ACTN1: variants seen among roughly 807,000 people sequenced by gnomAD.
The protein encoded by ACTN1 is actinin alpha 1.
ACTN1 carries 30 observed loss-of-function variants against 119.6 expected under a neutral mutation model. The ratio of observed to expected loss-of-function variants is 0.25; its 90% CI spans 0.19 to 0.34. The LOEUF (loss-of-function observed/expected upper bound fraction) is 0.34, where lower values mean the gene tolerates loss of function less well. ACTN1 is among the 10% of genes least tolerant of loss of function. The pLI is 1.00. For synonymous variants in ACTN1, 429 were observed against 472.6 expected, an observed-to-expected ratio of 0.91 and a Z score of 1.20; for missense variants, 764 against 1,223.4, an observed-to-expected ratio of 0.62 and a Z score of 5.60.
chr14:68,946,796 A>AC (rs1330612838), intron 1 of ACTN1, among the ~76,000 whole-genome samples: 6 of 152,036 alleles, frequency 3.9e-5, no homozygotes, highest in African/African-American at 1.4e-4. Flanking sequence ...CTCAGCCCTC[A>AC]CCTCCTTCCT....
At chr14:68,970,242 T>C (rs184631498) in intron 1 of ACTN1, among the ~76,000 whole-genome samples, 1 of 152,054 alleles carries the variant, frequency 6.6e-6, no homozygotes, top group Admixed American at 6.5e-5. Context: ...GGGCCTCTGA[T>C]TTAGGCCTGG....
chr14:68,886,097 CA>C (rs1414936168), intron 11 of ACTN1: 1 of 152,498 alleles, frequency 6.6e-6, no homozygotes, highest in African/African-American at 2.4e-5. Context: ...CTACAGGGCA[CA>C]AGCAGGTCTT....
chr14:68,976,849 C>T (rs1017613144), intron 1 of ACTN1, among the ~76,000 whole-genome samples: 1 of 152,190 alleles, frequency 6.6e-6, no homozygotes, highest in Non-Finnish European at 1.5e-5. Context: ...TTGAGTTTGC[C>T]TCCAGGATAA....
chr14:68,880,755 A>G lies in ACTN1; in HGVS notation c.2133+55T>C, dbSNP rs1594752978. ...CCTTGGAGACTTCCCCACCCAGGAG[A>G]AAGAGCAGAAGGGGCCACGGGCTCC... On this transcript the variant is annotated intron_variant, in intron 17 of 21. Transcript: ENST00000394419. This position sits in a 1 kb window ranked among gnomAD's most constrained non-coding sequence, Gnocchi z 4.6. 2 of 1,575,244 alleles carry G rather than the reference A, an allele frequency of 1.3e-6. No homozygotes were observed. Among genetic ancestry groups the G allele is most frequent in the Non-Finnish European group, 1.7e-6 (2 of 1,151,824 alleles).
At chr14:68,899,383 T>C (rs1489452519) in intron 8 of ACTN1, among the ~76,000 whole-genome samples, 5 of 94,240 alleles carry the variant, frequency 5.3e-5, no homozygotes, top group African/African-American at 1.0e-4. Flanking sequence ...CCCATACACC[T>C]CATACACACA....
chr14:68,898,300 G>A (rs1316252139), intron 8 of ACTN1, among the ~76,000 whole-genome samples: 2 of 152,236 alleles, frequency 1.3e-5, no homozygotes, highest in African/African-American at 2.4e-5. Context: ...AGGGGAGAGG[G>A]AAGCAGAGAA....
At chr14:68,903,536 CAAA>C (rs34115577) in intron 7 of ACTN1, among the ~76,000 whole-genome samples, 3 of 121,134 alleles carry the variant, frequency 2.5e-5, no homozygotes, top group Non-Finnish European at 3.7e-5. Flanking sequence ...GACCCCGTCT[CAAA>C]AAAAAAAAAA....
At chr14:68,961,805 G>T (rs7146442) in intron 1 of ACTN1, among the ~76,000 whole-genome samples, 1,915 of 152,254 alleles carry the variant, frequency 0.013, 40 homozygotes, top group African/African-American at 0.043. Flanking sequence ...CCTAGGACTT[G>T]GTGGGCAAAC....
At chr14:68,917,053 C>T (rs769887970) in intron 3 of ACTN1, among the ~76,000 whole-genome samples, 26 of 152,186 alleles carry the variant, frequency 1.7e-4, no homozygotes, top group African/African-American at 4.1e-4. Context: ...AACCCTCAGG[C>T]TCCACCTGCC....
intron 1 of ACTN1, among the ~76,000 whole-genome samples, chr14:68,960,508 G>A (rs2036496657): frequency 6.6e-6 from 1 of 152,064 alleles, no homozygotes; most frequent in African/African-American, 2.4e-5. Context: ...CCTCAATAAA[G>A]CTGGGGGAAT....
intron 1 of ACTN1, among the ~76,000 whole-genome samples, chr14:68,949,694 G>A (rs1217055532): frequency 6.6e-6 from 1 of 152,158 alleles, no homozygotes; most frequent in Non-Finnish European, 1.5e-5. Flanking sequence ...CCAAAAGGGG[G>A]GAACAACCCA....
chr14:68,912,797 C>A (rs145888101), intron 3 of ACTN1, among the ~76,000 whole-genome samples: 7 of 152,204 alleles, frequency 4.6e-5, no homozygotes, highest in African/African-American at 1.4e-4. Flanking sequence ...TCAGGGAAGG[C>A]CACAGAGAAG....
At chr14:68,966,275 G>A (rs575843056) in intron 1 of ACTN1, among the ~76,000 whole-genome samples, 1 of 152,146 alleles carries the variant, frequency 6.6e-6, no homozygotes, top group Admixed American at 6.5e-5. Context: ...ACTCTGCTGA[G>A]TGTCCAAGAG....
Position 68,887,894 on chromosome 14 carries a change from T to A in ACTN1, c.1234+2245A>T, listed in dbSNP as rs1339248529. 7.9e-6 allele frequency: 7 copies of A among 884,648 alleles called. 1 individual carries two copies. Among genetic ancestry groups the A allele is most frequent in the Non-Finnish European group, 1.3e-5 (7 of 520,980 alleles). 54.8% of individuals were successfully genotyped at this position (884,648 alleles called of 1,614,324 possible). On this transcript the variant is annotated intron_variant, in intron 11 of 21. Transcript: ENST00000394419. The stretch of plus-strand genomic sequence containing the variant: ...ATCTTTAGTTTCTTAGTTAGCCACT[T>A]CGGCCTGTTTTCCCTTTGCTCCCTT...
At chr14:68,890,078 C>G in intron 11 of ACTN1, 61 bp downstream of exon 11, 1 of 1,580,240 alleles carries the variant, frequency 6.3e-7, no homozygotes. Context: ...TGGCTGCTGG[C>G]TGGGCTGAAG....
At chr14:68,942,775 T>C (rs887342437) in intron 1 of ACTN1, among the ~76,000 whole-genome samples, 1 of 152,126 alleles carries the variant, frequency 6.6e-6, no homozygotes, top group African/African-American at 2.4e-5. Flanking sequence ...AATTCCCTGC[T>C]CAATGCAATC....
At position 68,879,090 on chromosome 14, in the gene ACTN1, G is replaced by T; in HGVS notation, c.2281-21C>A. On this transcript the variant is annotated intron_variant, in intron 18 of 21. Transcript: ENST00000394419. The surrounding 1 kb of genome is among the most constrained non-coding windows in gnomAD (Gnocchi z 4.9). ...TGATCCTGGGGCCGCGGTGCGCCAGGCAGCGAGCCATGCGGTGTCAGGGAG... is the reference window on the plus strand; with the variant it reads ...TGATCCTGGGGCCGCGGTGCGCCAGTCAGCGAGCCATGCGGTGTCAGGGAG... 5 of 1,594,976 alleles carry T rather than the reference G, an allele frequency of 3.1e-6. No individual in the cohort carries two copies. The highest frequency in any genetic ancestry group is 4.3e-6 in the Non-Finnish European group (5 of 1,169,700).
chr14:68,893,664 C>T lies in ACTN1; in HGVS notation c.846G>A (p.Leu282=), dbSNP rs752334343. ...ACCCGGGGGTACCCACATCACTGGC[C>T]AGCTTCTCGTAGTCTTCCATAAGCT... ...NEQLMEDYEK[L]ASDLLEWIRR... The change falls in exon 9 of 22, where the codon CTG becomes CTA. Residue 282 remains leucine, a synonymous_variant. Coordinates refer to ENST00000394419, the MANE Select transcript of ACTN1 (RefSeq NM_001130004.2). The T allele has an allele frequency of 1.9e-6, 3 of 1,614,096 alleles. No individual in the cohort carries two copies. The African/African-American group carries it at 4.0e-5, about 22-fold the overall frequency.
intron 1 of ACTN1, among the ~76,000 whole-genome samples, chr14:68,937,741 C>T (rs1594846168): frequency 6.6e-6 from 1 of 152,348 alleles, no homozygotes; most frequent in East Asian, 1.9e-4. Flanking sequence ...CGTTCTTCTC[C>T]CTGAGTAGAG....
Sources: gnomAD v4.1 joint callset for allele counts (sites outside exome capture counted in the v4.1 genomes callset) on GRCh38, gnomAD v4.1.1 for gene constraint, Gnocchi (gnomAD v3.1) non-coding constraint, MANE v1.5 for transcripts, NCBI Gene and HGNC (gene_info 2026-07-23, HGNC 2026-07-21) for gene names.